The following NEK6 variants were observed in gnomAD, a reference collection of about 807,000 sequenced individuals.
The protein encoded by NEK6 is NIMA related kinase 6.
In NEK6, 27 loss-of-function variants were observed where a neutral mutation model predicts 43.5. That is an observed-to-expected ratio of 0.62 (90% CI 0.46 to 0.86). The LOEUF is 0.86. NEK6 is among the 40% of genes least tolerant of loss of function. NEK6 has a pLI of 0.00. For synonymous variants in NEK6, 167 were observed against 164.1 expected, an observed-to-expected ratio of 1.02 and a Z score of -0.14; for missense variants, 318 against 414.4, an observed-to-expected ratio of 0.77 and a Z score of 2.02.
chr9:124,306,123 G>A (rs1325158357), intron 2 of NEK6, among the ~76,000 whole-genome samples: 2 of 152,100 alleles, frequency 1.3e-5, no homozygotes, highest in Non-Finnish European at 2.9e-5. Context: ...CTACAGCACT[G>A]GGGGCTGGAC....
chr9:124,263,399 G>C (rs1208683994), intron 1 of NEK6, among the ~76,000 whole-genome samples: 1 of 152,206 alleles, frequency 6.6e-6, no homozygotes, highest in Non-Finnish European at 1.5e-5. Context: ...TGAGGCTGGA[G>C]TCCCAGACCT....
chr9:124,258,297 C>G, intron 1 of NEK6: 1 of 985,164 alleles, frequency 1.0e-6, no homozygotes, highest in Non-Finnish European at 1.2e-6. Context: ...TCCGCGTGTC[C>G]CGGGGTGTGC....
chr9:124,292,415 G>T, intron 1 of NEK6: 1 of 1,534,274 alleles, frequency 6.5e-7, no homozygotes, highest in Non-Finnish European at 8.7e-7. Flanking sequence ...TTTCTCTAGG[G>T]TGGGTTTTGT....
At position 124,341,819 on chromosome 9, in the gene NEK6, TAA is replaced by T. The variant is rs1444199713; in HGVS notation, c.717+2155_717+2156del. Among the ~76,000 whole-genome samples, 340 of 152,282 alleles carry T rather than the reference TAA, an allele frequency of 2.2e-3. 1 individual carries two copies. The highest frequency in any genetic ancestry group is 7.7e-3 in the African/African-American group (318 of 41,566). On this transcript the variant is annotated intron_variant, in intron 8 of 9. Transcript: ENST00000320246. ...TTTAGCCATAGGAGACAAGACATGT[TAA>T]GTCCAAACTCTTCTGAGACAGGAGG... is the stretch of plus-strand genomic sequence containing the variant.
At chr9:124,311,010 T>G (rs1833499802) in intron 2 of NEK6, among the ~76,000 whole-genome samples, 1 of 152,226 alleles carries the variant, frequency 6.6e-6, no homozygotes, top group Non-Finnish European at 1.5e-5. Flanking sequence ...TCAGGCACTC[T>G]GGGAGAAGGA....
intron 2 of NEK6, among the ~76,000 whole-genome samples, 162 bp downstream of exon 2, chr9:124,302,216 T>C (rs994317933): frequency 6.6e-6 from 1 of 152,200 alleles, no homozygotes; most frequent in African/African-American, 2.4e-5. Flanking sequence ...CCAAATCTAG[T>C]GAGCTCATCG....
chr9:124,347,691 T>C lies in NEK6; in HGVS notation c.718-18T>C. On this transcript the variant is annotated intron_variant, in intron 8 of 9. Transcript: ENST00000320246. ...CTTGAGGCCGAAAGCTTATCTTCGT[T>C]GTTCCCGTCCCTTGCAGATGGCAGC... The C allele has an allele frequency of 2.7e-6, 4 of 1,507,874 alleles. No individual in the cohort carries two copies. Among genetic ancestry groups the C allele is most frequent in the Non-Finnish European group, 3.6e-6 (4 of 1,101,294 alleles). 93.4% of individuals were successfully genotyped at this position (1,507,874 alleles called of 1,614,324 possible). A position where few individuals can be genotyped will look rare whatever the true frequency, so the allele number is the denominator to read the frequency against.
rs1374130698 is a variant in NEK6 at position 124,308,656 on chromosome 9, CA to C, written c.91-3834del. Among the ~76,000 whole-genome samples, 498 of 82,260 alleles carry C rather than the reference CA, an allele frequency of 6.1e-3. 1 individual carries two copies. The highest frequency in any genetic ancestry group is 0.019 in the Middle Eastern group (2 of 106). The allele number at this position is 82,260 out of a possible 152,430, so 54.0% of individuals were successfully genotyped here. ...GGGTGACAAGAGCAAAACTCTATCTCAAAAAAAAAAAAAAAAAAACCAGTTT... is the reference window on the plus strand; with the variant it reads ...GGGTGACAAGAGCAAAACTCTATCTCAAAAAAAAAAAAAAAAAACCAGTTT... On this transcript the variant is annotated intron_variant, in intron 2 of 9. Transcript: ENST00000320246.
intron 1 of NEK6, among the ~76,000 whole-genome samples, chr9:124,298,812 T>C (rs1832821412): frequency 6.6e-6 from 1 of 152,168 alleles, no homozygotes; most frequent in African/African-American, 2.4e-5. Context: ...AGACCTTACC[T>C]CATGGAGTTG....
chr9:124,308,647 ACT>A (rs1359461831), intron 2 of NEK6, among the ~76,000 whole-genome samples: 22 of 143,736 alleles, frequency 1.5e-4, no homozygotes, highest in African/African-American at 5.6e-4. Context: ...CAAGAGCAAA[ACT>A]CTATCTCAAA....
chr9:124,320,991 A>C (rs2130912790), intron 4 of NEK6, among the ~76,000 whole-genome samples: 1 of 152,266 alleles, frequency 6.6e-6, no homozygotes, highest in South Asian at 2.1e-4. Flanking sequence ...AAAGAGTGGG[A>C]AGGATGAAGG....
At chr9:124,297,848 C>A (rs369031532) in intron 1 of NEK6, among the ~76,000 whole-genome samples, 1 of 152,224 alleles carries the variant, frequency 6.6e-6, no homozygotes, top group Non-Finnish European at 1.5e-5. Flanking sequence ...GCTCGTCCTT[C>A]CACGTCCCCT....
intron 1 of NEK6, among the ~76,000 whole-genome samples, chr9:124,273,610 C>T (rs895777157): frequency 3.9e-5 from 6 of 152,106 alleles, no homozygotes; most frequent in East Asian, 1.9e-4. Flanking sequence ...AAAGTTGTCC[C>T]GTCCCACCGT....
At chr9:124,265,181 C>G (rs1831181968) in intron 1 of NEK6, among the ~76,000 whole-genome samples, 1 of 152,172 alleles carries the variant, frequency 6.6e-6, no homozygotes, top group Admixed American at 6.6e-5. Context: ...TACATCCCAT[C>G]CAGCGGTTTG....
intron 1 of NEK6, among the ~76,000 whole-genome samples, chr9:124,259,992 A>G (rs908429751): frequency 1.3e-5 from 2 of 151,396 alleles, no homozygotes; most frequent in African/African-American, 4.8e-5. Flanking sequence ...TTTGCGGAGC[A>G]GAAGGGGCTG....
At chr9:124,330,820 C>T (rs191637659) in intron 7 of NEK6, among the ~76,000 whole-genome samples, 2 of 152,204 alleles carry the variant, frequency 1.3e-5, no homozygotes, top group Non-Finnish European at 2.9e-5. Flanking sequence ...GCAGGGCAGG[C>T]GTGGGGCTCT....
At chr9:124,296,221 G>A (rs1483196792) in intron 1 of NEK6, among the ~76,000 whole-genome samples, 1 of 152,274 alleles carries the variant, frequency 6.6e-6, no homozygotes, top group Non-Finnish European at 1.5e-5. Context: ...GGTGCTGCCA[G>A]TACCATTCGC....
In NEK6 at chr9:124,347,788, A is replaced by T. The variant is rs750118016; in HGVS notation, c.797A>T (p.Tyr266Phe). ...TGCCAGAAGATCGAGCAGTGTGACT[A>T]CCCCCCACTCCCCGGGGAGCACTAC... ...SLCQKIEQCD[Y>F]PPLPGEHYSE... Residue 266 changes from tyrosine to phenylalanine, a missense_variant, in exon 9 of 10, where the codon TAC (tyrosine) becomes TTC (phenylalanine). Physicochemically the swap from Tyr to Phe is conservative, Grantham distance 22. This residue lies in a region of NEK6 where 79 missense variants were observed against 70.0 expected (regional missense o/e 1.13). Coordinates refer to ENST00000320246, the MANE Select transcript of NEK6 (RefSeq NM_014397.6). 1 of 1,610,724 alleles carries T rather than the reference A, an allele frequency of 6.2e-7. No individual in the cohort carries two copies. The highest frequency in any genetic ancestry group is 1.7e-5 in the Admixed American group (1 of 59,740).
At chr9:124,318,676 T>A (rs1301995281) in intron 4 of NEK6, among the ~76,000 whole-genome samples, 1 of 152,126 alleles carries the variant, frequency 6.6e-6, no homozygotes. Context: ...TTTTATTTAT[T>A]TATTTTTTAT....
Sources: allele counts gnomAD v4.1 joint callset (sites outside exome capture counted in the v4.1 genomes callset), GRCh38; gene constraint gnomAD v4.1.1; regional missense constraint gnomAD v4.1.1; transcripts MANE v1.5; gene names NCBI Gene and HGNC (gene_info 2026-07-23, HGNC 2026-07-21).